The following KAT6B variants were observed in gnomAD, a reference collection of about 807,000 sequenced individuals.
KAT6B encodes histone acetyltransferase KAT6B.
A neutral mutation model predicts 187.5 loss-of-function variants in KAT6B; 10 were observed. The observed-to-expected ratio is 0.05, with a 90% CI of 0.03 to 0.09. KAT6B has a LOEUF of 0.09. Ranked by LOEUF, KAT6B falls within the 10% of genes least tolerant of loss-of-function variation. KAT6B has a pLI of 1.00. For missense variants in KAT6B, 1,952 were observed against 2,558.9 expected, an observed-to-expected ratio of 0.76 and a Z score of 5.12; for synonymous variants, 861 against 926.8, an observed-to-expected ratio of 0.93 and a Z score of 1.29.
At chr10:74,952,915 G>T (rs1055715424) in intron 3 of KAT6B, among the ~76,000 whole-genome samples, 1 of 139,954 alleles carries the variant, frequency 7.1e-6, no homozygotes, top group South Asian at 2.2e-4. Flanking sequence ...GGCCAGGCTG[G>T]TCTCGAACTC....
In KAT6B at chr10:74,981,873, G is replaced by C. The variant is rs1464184169; in HGVS notation, c.2318G>C (p.Trp773Ser). Residue 773 changes from tryptophan (W) to serine (S), a missense_variant, in exon 11 of 18, where the codon TGG becomes TCG. Physicochemically the swap from Trp to Ser is radical, Grantham distance 177. This residue lies in a region of KAT6B where 87 missense variants were observed against 191.8 expected (regional missense o/e 0.45). Coordinates refer to ENST00000287239, the MANE Select transcript of KAT6B (RefSeq NM_012330.4). ...ILLRHSKKCGWFHPPANEIYR... is the reference protein window; with the variant it reads ...ILLRHSKKCGSFHPPANEIYR... The stretch of plus-strand genomic sequence containing the variant: ...CTAAGACACTCCAAGAAGTGTGGAT[G>C]GTTTCATCCTCCAGCAAATGAAATT... 1 of 1,612,246 alleles carries C rather than the reference G, an allele frequency of 6.2e-7. No homozygotes were observed. Among genetic ancestry groups the C allele is most frequent in the South Asian group, 1.1e-5 (1 of 91,044 alleles).
chr10:74,992,994 C>A (rs1843206208), intron 13 of KAT6B, among the ~76,000 whole-genome samples: 1 of 152,210 alleles, frequency 6.6e-6, no homozygotes, highest in South Asian at 2.1e-4. Flanking sequence ...CTTTCTCAGT[C>A]AGAAAATTTG....
chr10:74,873,469 A>G (rs1328080405), intron 3 of KAT6B, among the ~76,000 whole-genome samples: 1 of 151,944 alleles, frequency 6.6e-6, no homozygotes, highest in Admixed American at 6.6e-5. Context: ...AAATAAATAA[A>G]TAAATAAATA....
chr10:74,947,035 T>TG (rs1345469087), intron 3 of KAT6B, among the ~76,000 whole-genome samples: 1 of 152,218 alleles, frequency 6.6e-6, no homozygotes, highest in Non-Finnish European at 1.5e-5. Context: ...AGTCTTACTG[T>TG]GTCGCCCAGG....
rs1842535085 is a variant in KAT6B at position 74,981,845 on chromosome 10, T to G, written c.2290T>G (p.Leu764Val). Residue 764 changes from leucine to valine, a missense_variant, in exon 11 of 18, where the codon TTG (leucine) becomes GTG (valine). Around this residue, in one of 9 missense-constraint regions of KAT6B, gnomAD observed 87 missense variants for 191.8 expected, o/e 0.45. Transcript: ENST00000287239. ...TAAATATATGAAAAGTAAAAATATT[T>G]TGCTAAGACACTCCAAGAAGTGTGG... ...CLKYMKSKNI[L>V]LRHSKKCGWF... 6.3e-7 allele frequency: 1 copy of G among 1,592,532 alleles called. No homozygotes were observed. The highest frequency in any genetic ancestry group is 1.7e-5 in the Admixed American group (1 of 59,960).
At chr10:74,830,758 A>ATATATATG in intron 1 of KAT6B, among the ~76,000 whole-genome samples, 1 of 27,578 alleles carries the variant, frequency 3.6e-5, no homozygotes, top group Non-Finnish European at 5.9e-5. Context: ...ATATATATAT[A>ATATATATG]TATATATATA....
intron 3 of KAT6B, among the ~76,000 whole-genome samples, chr10:74,933,127 T>A (rs12260947): frequency 0.025 from 3,734 of 152,270 alleles, 154 homozygotes; most frequent in African/African-American, 0.085. Flanking sequence ...CCCCCTAGGT[T>A]GCTGCATGTC....
At chr10:74,998,385 T>C (rs577975936) in intron 13 of KAT6B, among the ~76,000 whole-genome samples, 15 of 152,260 alleles carry the variant, frequency 9.9e-5, no homozygotes, top group African/African-American at 3.6e-4. Flanking sequence ...GACTTCTCTT[T>C]TTGCCTCCCT....
chr10:74,987,123 T>C (rs565569129), intron 12 of KAT6B, among the ~76,000 whole-genome samples: 2 of 152,186 alleles, frequency 1.3e-5, no homozygotes, highest in African/African-American at 4.8e-5. Flanking sequence ...AAAATTAATC[T>C]AAAAAATAAG....
chr10:74,940,510 G>A (rs1285531463), intron 3 of KAT6B, among the ~76,000 whole-genome samples: 5 of 151,112 alleles, frequency 3.3e-5, no homozygotes, highest in Admixed American at 6.6e-5. Context: ...TCTTGACCTC[G>A]TGATTCGCCC....
chr10:74,862,940 C>G (rs1843287274), intron 3 of KAT6B, among the ~76,000 whole-genome samples: 1 of 152,162 alleles, frequency 6.6e-6, no homozygotes, highest in Non-Finnish European at 1.5e-5. Context: ...TCCTCATTAC[C>G]TTCTAACGAA....
intron 3 of KAT6B, among the ~76,000 whole-genome samples, chr10:74,952,837 G>A (rs1167514809): frequency 1.4e-5 from 2 of 143,642 alleles, no homozygotes; most frequent in Non-Finnish European, 3.0e-5. Flanking sequence ...CAGGCACCAT[G>A]CCTGGCTAAT....
At chr10:75,009,427 G>A (rs183120977) in intron 13 of KAT6B, among the ~76,000 whole-genome samples, 20 of 152,288 alleles carry the variant, frequency 1.3e-4, no homozygotes, top group African/African-American at 4.8e-4. Context: ...GTGGAATGGA[G>A]ATTCTTTGAT....
chr10:74,977,340 A>T lies in KAT6B; in HGVS notation c.2018A>T (p.Lys673Ile). 1 of 1,613,536 alleles carries T rather than the reference A, an allele frequency of 6.2e-7. No homozygotes were observed. The highest frequency in any genetic ancestry group is 8.5e-7 in the Non-Finnish European group (1 of 1,179,588). ...DDDTEIKINI[K>I]QESADVNVIG... is the part of the protein sequence containing the mutation. ...GATACTGAAATAAAAATAAACATCA[A>T]ACAAGAAAGTGCAGATGTAAATGTG... The change falls in exon 9 of 18, where the codon AAA becomes ATA. Residue 673 changes from lysine to isoleucine, a missense_variant. Lys to Ile is a moderately radical substitution (Grantham distance 102). Coordinates refer to ENST00000287239, the MANE Select transcript of KAT6B (RefSeq NM_012330.4).
intron 13 of KAT6B, among the ~76,000 whole-genome samples, chr10:74,993,709 G>C (rs1005402896): frequency 6.6e-6 from 1 of 151,934 alleles, no homozygotes; most frequent in Non-Finnish European, 1.5e-5. Context: ...TTTTTGTTTT[G>C]TTTTGCTTTG....
chr10:74,936,768 A>G (rs1849306559), intron 3 of KAT6B, among the ~76,000 whole-genome samples: 1 of 152,202 alleles, frequency 6.6e-6, no homozygotes, highest in Admixed American at 6.5e-5. Flanking sequence ...TGCCACTTCC[A>G]TGGGTATAAA....
At chr10:74,874,572 G>A (rs918013933) in intron 3 of KAT6B, among the ~76,000 whole-genome samples, 1 of 151,982 alleles carries the variant, frequency 6.6e-6, no homozygotes, top group Admixed American at 6.6e-5. Context: ...TAGAGACAGG[G>A]TTTCTACCAT....
At chr10:74,919,244 T>A (rs1164981390) in intron 3 of KAT6B, among the ~76,000 whole-genome samples, 5 of 151,944 alleles carry the variant, frequency 3.3e-5, no homozygotes, top group Admixed American at 6.6e-5. Flanking sequence ...ATATATATAT[T>A]TTTTTCCTCT....
intron 2 of KAT6B, among the ~76,000 whole-genome samples, chr10:74,842,397 A>G (rs1841812439): frequency 6.6e-6 from 1 of 152,210 alleles, no homozygotes; most frequent in Non-Finnish European, 1.5e-5. Context: ...AGAGAAGTGA[A>G]ACATTCTAAA....
Sources: allele counts gnomAD v4.1 joint callset (sites outside exome capture counted in the v4.1 genomes callset), GRCh38; gene constraint gnomAD v4.1.1; regional missense constraint gnomAD v4.1.1; transcripts MANE v1.5; gene names NCBI Gene and HGNC (gene_info 2026-07-23, HGNC 2026-07-21).